The following GRIP1 variants were observed in gnomAD, a reference collection of about 807,000 sequenced individuals.
The protein encoded by GRIP1 is glutamate receptor interacting protein 1.
A neutral mutation model predicts 129.9 loss-of-function variants in GRIP1; 45 were observed. That is an observed-to-expected ratio of 0.35 (90% CI 0.27 to 0.44). The LOEUF (loss-of-function observed/expected upper bound fraction) is 0.44. Ranked by LOEUF, GRIP1 falls within the 20% of genes least tolerant of loss-of-function variation. GRIP1 has a pLI of 1.00. For missense variants in GRIP1, 1,196 were observed against 1,396.8 expected, an observed-to-expected ratio of 0.86 and a Z score of 2.29; for synonymous variants, 530 against 520.8, an observed-to-expected ratio of 1.02 and a Z score of -0.24.
At chr12:66,937,615 A>G (rs1336103908) in intron 1 of GRIP1, among the ~76,000 whole-genome samples, 10 of 152,244 alleles carry the variant, frequency 6.6e-5, no homozygotes, top group Admixed American at 6.5e-4. Context: ...AGATGATAAC[A>G]GAATGCTATT....
Position 66,377,027 on chromosome 12 carries a change from A to G in GRIP1, c.2768T>C (p.Met923Thr). ...ATAAAGGGTAGCTACCAAGAGAGTCATGTTTCTCAAAGACACACGCCTGTC... is the reference window on the plus strand; with the variant it reads ...ATAAAGGGTAGCTACCAAGAGAGTCGTGTTTCTCAAAGACACACGCCTGTC... Reference protein sequence around the residue: ...KADRRVSLRNMTLLATIMSGS... With the variant: ...KADRRVSLRNTTLLATIMSGS... The change falls in exon 22 of 25, where the codon ATG (methionine) becomes ACG (threonine). Residue 923 changes from methionine to threonine, a missense_variant. Physicochemically the swap from Met to Thr is moderately conservative, Grantham distance 81. This residue lies in a region of GRIP1 where 427 missense variants were observed against 463.3 expected (regional missense o/e 0.92). Coordinates refer to ENST00000359742, the MANE Select transcript of GRIP1 (RefSeq NM_001366722.1). The G allele has an allele frequency of 6.2e-7, 1 of 1,611,090 alleles. No individual in the cohort carries two copies. Among genetic ancestry groups the G allele is most frequent in the African/African-American group, 1.3e-5 (1 of 74,976 alleles).
At chr12:66,541,977 T>C (rs907085426) in intron 2 of GRIP1, 27 bp from the exon 3 acceptor site, 6 of 1,610,020 alleles carry the variant, frequency 3.7e-6, no homozygotes, top group Non-Finnish European at 5.1e-6. Flanking sequence ...ATTTGCCTTA[T>C]TAAAATGAGA....
At chr12:66,924,421 A>T (rs1249972406) in intron 1 of GRIP1, among the ~76,000 whole-genome samples, 3 of 152,212 alleles carry the variant, frequency 2.0e-5, no homozygotes, top group African/African-American at 7.2e-5. Context: ...CTGCAGGTAG[A>T]GAGACAGAGA....
intron 2 of GRIP1, among the ~76,000 whole-genome samples, chr12:66,557,634 G>A (rs1465667919): frequency 6.6e-6 from 1 of 152,078 alleles, no homozygotes; most frequent in Non-Finnish European, 1.5e-5. Context: ...GACCACAGTG[G>A]AATAAAACTA....
chr12:67,069,210 CG>C, upstream of GRIP1: 1 of 661,636 alleles, frequency 1.5e-6, no homozygotes, highest in Non-Finnish European at 1.9e-6. Context: ...GCAGCCGCGC[CG>C]GGGCTGTTCA....
At chr12:67,039,801 A>G (rs1387867914) in intron 1 of GRIP1, among the ~76,000 whole-genome samples, 1 of 152,216 alleles carries the variant, frequency 6.6e-6, no homozygotes, top group African/African-American at 2.4e-5. Context: ...TTGAGTGCTC[A>G]AAACCTGATT....
intron 1 of GRIP1, among the ~76,000 whole-genome samples, chr12:66,820,558 G>A (rs2039299118): frequency 6.6e-6 from 1 of 152,088 alleles, no homozygotes; most frequent in South Asian, 2.1e-4. Context: ...GCACATGGAT[G>A]TTTATGTCAG....
In GRIP1 at chr12:66,839,797, A is replaced by G. The variant is rs112591296; in HGVS notation, c.58+229253T>C. On this transcript the variant is annotated intron_variant, in intron 1 of 1. Coordinates refer to the GRIP1 transcript ENST00000643019. ...AAAGAGTTCAGCTCAACAAGTATTA[A>G]TGGCACTTACTCTGTGCAAGGCACT... 1.9e-4 allele frequency among the ~76,000 whole-genome samples: 29 copies of G among 152,332 alleles called. 1 individual carries two copies. The highest frequency in any genetic ancestry group is 6.7e-4 in the African/African-American group (28 of 41,574).
intron 1 of GRIP1, among the ~76,000 whole-genome samples, chr12:66,923,646 T>C (rs2041249029): frequency 6.6e-6 from 1 of 152,182 alleles, no homozygotes; most frequent in African/African-American, 2.4e-5. Context: ...CTTGTACTTT[T>C]GAGTCAGTAC....
intron 1 of GRIP1, among the ~76,000 whole-genome samples, chr12:66,997,001 T>C (rs1009712636): frequency 2.0e-5 from 3 of 152,094 alleles, no homozygotes; most frequent in Non-Finnish European, 4.4e-5. Context: ...CCTCAGAAGA[T>C]GCATTTGGCA....
At chr12:66,540,165 T>C (rs1183887835) in intron 3 of GRIP1, among the ~76,000 whole-genome samples, 2 of 152,228 alleles carry the variant, frequency 1.3e-5, no homozygotes, top group Non-Finnish European at 2.9e-5. Flanking sequence ...CTTTTTGCTA[T>C]CATGCAATGC....
At chr12:66,458,421 G>A (rs905736548) in intron 9 of GRIP1, among the ~76,000 whole-genome samples, 2 of 151,998 alleles carry the variant, frequency 1.3e-5, no homozygotes, top group African/African-American at 4.8e-5. Flanking sequence ...TTTCACTCTT[G>A]TCACTCAGGA....
At chr12:67,037,558 C>T (rs771185072) in intron 1 of GRIP1, 3 of 151,682 alleles carry the variant, frequency 2.0e-5, no homozygotes, top group Non-Finnish European at 4.4e-5. Flanking sequence ...AGCATTTTGA[C>T]GAAGAGGAGT....
chr12:66,662,103 C>T (rs1267085165), intron 1 of GRIP1, among the ~76,000 whole-genome samples: 1 of 152,042 alleles, frequency 6.6e-6, no homozygotes, highest in Non-Finnish European at 1.5e-5. Context: ...ATTAAGAAAA[C>T]AATCAATCAA....
intron 7 of GRIP1, among the ~76,000 whole-genome samples, chr12:66,479,022 G>A (rs962128328): frequency 1.3e-5 from 2 of 148,502 alleles, no homozygotes; most frequent in Non-Finnish European, 3.0e-5. Context: ...AGAACCTAAA[G>A]TATAATAAAA....
At chr12:66,718,836 G>A (rs1225587975) in intron 1 of GRIP1, among the ~76,000 whole-genome samples, 1 of 151,976 alleles carries the variant, frequency 6.6e-6, no homozygotes, top group Non-Finnish European at 1.5e-5. Flanking sequence ...TGGGCAAAAA[G>A]AGTGAAACTC....
intron 1 of GRIP1, among the ~76,000 whole-genome samples, chr12:66,854,865 A>G (rs1792926046): frequency 6.6e-6 from 1 of 152,014 alleles, no homozygotes; most frequent in South Asian, 2.1e-4. Flanking sequence ...ACACTACCCT[A>G]TACAGCAAAT....
intron 22 of GRIP1, among the ~76,000 whole-genome samples, chr12:66,373,760 G>A (rs2055647496): frequency 6.6e-6 from 1 of 152,182 alleles, no homozygotes. Flanking sequence ...GCTGATCACT[G>A]AACATTAACA....
At chr12:66,391,030 G>T (rs74800627) in intron 19 of GRIP1, among the ~76,000 whole-genome samples, 5,158 of 151,844 alleles carry the variant, frequency 0.034, 239 homozygotes, top group Admixed American at 0.095. Context: ...TTTTTTTCCA[G>T]TTTTTTCTCC....
Sources: allele counts gnomAD v4.1 joint callset (sites outside exome capture counted in the v4.1 genomes callset), GRCh38; gene constraint gnomAD v4.1.1; regional missense constraint gnomAD v4.1.1; transcripts MANE v1.5; gene names NCBI Gene and HGNC (gene_info 2026-07-23, HGNC 2026-07-21).